The following MAML3 variants were observed in gnomAD, a reference collection of about 807,000 sequenced individuals.
MAML3 encodes the protein mastermind-like protein 3.
In MAML3, 27 loss-of-function variants were observed where a neutral mutation model predicts 101.9. That is an observed-to-expected ratio of 0.27 (90% CI 0.20 to 0.37). The LOEUF (loss-of-function observed/expected upper bound fraction) is 0.37, where lower values mean the gene tolerates loss of function less well. MAML3 is among the 10% of genes least tolerant of loss of function. The probability of loss-of-function intolerance (pLI) is 1.00; values close to 1 mark genes in which losing one functional copy is unlikely to be tolerated. For synonymous variants in MAML3, 501 were observed against 555.9 expected, an observed-to-expected ratio of 0.90 and a Z score of 1.39; for missense variants, 1,316 against 1,444.9, an observed-to-expected ratio of 0.91 and a Z score of 1.45.
intron 1 of MAML3, among the ~76,000 whole-genome samples, chr4:140,069,585 G>A (rs369408011): frequency 7.3e-5 from 10 of 136,750 alleles, no homozygotes; most frequent in Admixed American, 1.5e-4. Flanking sequence ...AGGAGGAGGA[G>A]GAGGAAGAGG....
intron 1 of MAML3, among the ~76,000 whole-genome samples, chr4:140,058,005 G>C (rs1727381061): frequency 6.6e-6 from 1 of 151,632 alleles, no homozygotes; most frequent in Non-Finnish European, 1.5e-5. Context: ...AGATGACTGA[G>C]GTTGATGAAA....
intron 1 of MAML3, among the ~76,000 whole-genome samples, chr4:140,019,784 G>A (rs1390012362): frequency 6.6e-6 from 1 of 152,184 alleles, no homozygotes; most frequent in African/African-American, 2.4e-5. Context: ...AGTGTACAAT[G>A]AGCAGCTGGG....
chr4:139,975,290 C>T (rs1441869833), intron 1 of MAML3, among the ~76,000 whole-genome samples: 8 of 152,172 alleles, frequency 5.3e-5, no homozygotes, highest in Non-Finnish European at 1.0e-4. Context: ...TTTCCTCTGC[C>T]TAGACTGCTC....
intron 1 of MAML3, among the ~76,000 whole-genome samples, chr4:140,015,917 C>T (rs1266583024): frequency 6.6e-6 from 1 of 152,152 alleles, no homozygotes; most frequent in Non-Finnish European, 1.5e-5. Flanking sequence ...TGTGCCACTG[C>T]ACTCCAGCCT....
intron 1 of MAML3, among the ~76,000 whole-genome samples, chr4:140,147,237 G>A (rs899035681): frequency 5.3e-5 from 8 of 151,904 alleles, no homozygotes; most frequent in African/African-American, 1.2e-4. Context: ...GGATGCAAGA[G>A]CGTGATTTAG....
At chr4:139,994,289 T>G (rs1734759283) in intron 1 of MAML3, among the ~76,000 whole-genome samples, 1 of 152,252 alleles carries the variant, frequency 6.6e-6, no homozygotes. Flanking sequence ...TATTGCTAAC[T>G]TAGTCTTAAG....
At chr4:139,829,453 C>A (rs544251606) in intron 2 of MAML3, among the ~76,000 whole-genome samples, 1 of 151,882 alleles carries the variant, frequency 6.6e-6, no homozygotes, top group Admixed American at 6.6e-5. Flanking sequence ...TAAATCGCAG[C>A]GGATGTTATG....
At chr4:139,725,912 G>A (rs1728455442) in intron 3 of MAML3, 77 bp from the exon 4 acceptor site, 8 of 1,213,672 alleles carry the variant, frequency 6.6e-6, no homozygotes, top group African/African-American at 3.0e-5. Context: ...CAGCAGTTCC[G>A]AGGAAGGTAG....
chr4:140,139,136 G>T (rs1357294079), intron 1 of MAML3, among the ~76,000 whole-genome samples: 3 of 151,860 alleles, frequency 2.0e-5, no homozygotes, highest in African/African-American at 7.3e-5. Context: ...AGCCGGGCAT[G>T]GTGGCAGGCA....
intron 1 of MAML3, among the ~76,000 whole-genome samples, chr4:139,930,302 T>C (rs1733357125): frequency 6.6e-6 from 1 of 152,160 alleles, no homozygotes; most frequent in Non-Finnish European, 1.5e-5. Context: ...AGGGTGCTCA[T>C]GGCCTGAATA....
At chr4:140,094,956 T>A (rs1277140369) in intron 1 of MAML3, among the ~76,000 whole-genome samples, 1 of 152,320 alleles carries the variant, frequency 6.6e-6, no homozygotes, top group East Asian at 1.9e-4. Context: ...AGTGGAGGTC[T>A]GGACGCTTGC....
intron 1 of MAML3, among the ~76,000 whole-genome samples, chr4:139,977,194 C>CT (rs1734355330): frequency 6.6e-6 from 1 of 152,178 alleles, no homozygotes; most frequent in Admixed American, 6.5e-5. Flanking sequence ...GCCTGCAGAA[C>CT]TGTGAGAAAT....
At chr4:139,885,129 G>A (rs1006533088) in intron 2 of MAML3, among the ~76,000 whole-genome samples, 3 of 152,156 alleles carry the variant, frequency 2.0e-5, no homozygotes, top group African/African-American at 4.8e-5. Flanking sequence ...GGCCGGGTGC[G>A]GTGGCTCACG....
chr4:140,114,824 C>T (rs983528596), intron 1 of MAML3, among the ~76,000 whole-genome samples: 9 of 152,076 alleles, frequency 5.9e-5, no homozygotes, highest in African/African-American at 1.7e-4. Context: ...AAAGTTATGG[C>T]CTATTTTCAA....
chr4:139,896,796 A>T (rs1443186692), intron 1 of MAML3, among the ~76,000 whole-genome samples: 1 of 152,188 alleles, frequency 6.6e-6, no homozygotes, highest in Non-Finnish European at 1.5e-5. Context: ...ACACAGAATC[A>T]TATTTTATCC....
chr4:140,075,907 T>C (rs1727758032), intron 1 of MAML3, among the ~76,000 whole-genome samples: 1 of 152,142 alleles, frequency 6.6e-6, no homozygotes, highest in African/African-American at 2.4e-5. Context: ...ACTACAGGCA[T>C]GCACCACAAC....
At chr4:140,135,440 A>G (rs1021383401) in intron 1 of MAML3, among the ~76,000 whole-genome samples, 8 of 152,376 alleles carry the variant, frequency 5.3e-5, no homozygotes, top group African/African-American at 1.9e-4. Context: ...CTTGGAGGAA[A>G]CTGTCCCTCT....
intron 1 of MAML3, among the ~76,000 whole-genome samples, chr4:139,932,801 T>C (rs999371473): frequency 6.6e-6 from 1 of 152,204 alleles, no homozygotes; most frequent in African/African-American, 2.4e-5. Flanking sequence ...ACGCCAGCCA[T>C]GGTGATCTCT....
At position 139,760,846 on chromosome 4, in the gene MAML3, GA is replaced by G. The variant is rs577561650; in HGVS notation, c.2080-30180del. Among the ~76,000 whole-genome samples the G allele has an allele frequency of 3.1e-4, 47 of 152,284 alleles. No homozygotes were observed. The East Asian group carries it at 3.1e-3, about 10-fold the overall frequency. On this transcript the variant is annotated intron_variant, in intron 2 of 4. Coordinates refer to ENST00000509479, the MANE Select transcript of MAML3 (RefSeq NM_018717.5). ...TGGACAACTAGAATCATTTAAGAAA[GA>G]AAAATGAGTACAGGATGGTCGTGAC...
Sources: allele counts gnomAD v4.1 joint callset (sites outside exome capture counted in the v4.1 genomes callset), GRCh38; gene constraint gnomAD v4.1.1; transcripts MANE v1.5; gene names NCBI Gene and HGNC (gene_info 2026-07-23, HGNC 2026-07-21).